TMEFF1: variants seen among roughly 807,000 people sequenced by gnomAD.
TMEFF1 encodes the protein tomoregulin-1.
TMEFF1 carries 20 observed loss-of-function variants against 47.5 expected under a neutral mutation model. The observed-to-expected ratio is 0.42, with a 90% CI of 0.30 to 0.61. The LOEUF (loss-of-function observed/expected upper bound fraction) is 0.61, where lower values mean the gene tolerates loss of function less well. Ranked by LOEUF, TMEFF1 falls within the 20% of genes least tolerant of loss-of-function variation. TMEFF1 has a pLI of 0.19. For synonymous variants in TMEFF1, 162 were observed against 166.3 expected (o/e 0.97, Z 0.20); for missense variants, 411 against 471.1 (o/e 0.87, Z 1.18).
chr9:100,480,343 G>T (rs1408546826), intron 1 of TMEFF1, among the ~76,000 whole-genome samples: 3 of 152,060 alleles, frequency 2.0e-5, no homozygotes, highest in Non-Finnish European at 2.9e-5. Flanking sequence ...AGAGTCAGTT[G>T]TATTTGTTTT....
Position 100,473,695 on chromosome 9 carries a change from G to C in TMEFF1, c.151G>C (p.Gly51Arg). The C allele has an allele frequency of 6.5e-7, 1 of 1,534,050 alleles. No homozygotes were observed. The highest frequency in any genetic ancestry group is 8.8e-7 in the Non-Finnish European group (1 of 1,139,482). ...GCCCCCGGGTGGTGGCGGCGGCAGCGGCGGGGACTGTCCCGGCGGCAAAGG... is the reference window on the plus strand; with the variant it reads ...GCCCCCGGGTGGTGGCGGCGGCAGCCGCGGGGACTGTCCCGGCGGCAAAGG... ...NQPPGGGGGS[G>R]GDCPGGKGKS... Residue 51 changes from glycine to arginine, a missense_variant, in exon 1 of 10, where the codon GGC becomes CGC. Physicochemically the swap from Gly to Arg is moderately radical, Grantham distance 125. Transcript: ENST00000374879. This position sits in a 1 kb window ranked among gnomAD's most constrained non-coding sequence, Gnocchi z 5.4.
chr9:100,556,416 G>C (rs1031799234), intron 7 of TMEFF1, among the ~76,000 whole-genome samples: 19 of 152,218 alleles, frequency 1.2e-4, no homozygotes, highest in Admixed American at 1.2e-3. Flanking sequence ...TTAAATGTGC[G>C]GGGTTAGTGC....
chr9:100,552,227 T>C (rs1035836655), intron 7 of TMEFF1, among the ~76,000 whole-genome samples: 3 of 152,166 alleles, frequency 2.0e-5, no homozygotes, highest in African/African-American at 4.8e-5. Context: ...AAAGCAAGGC[T>C]ACAAAGTTAA....
At chr9:100,576,493 T>C in intron 9 of TMEFF1, 23 bp from the exon 10 acceptor site, 1 of 1,602,054 alleles carries the variant, frequency 6.2e-7, no homozygotes, top group Middle Eastern at 1.7e-4. Context: ...TATTTTTCTC[T>C]CTTTCTTTTT....
chr9:100,531,689 T>C (rs1363719078), intron 5 of TMEFF1, among the ~76,000 whole-genome samples: 1 of 151,936 alleles, frequency 6.6e-6, no homozygotes, highest in Non-Finnish European at 1.5e-5. Context: ...TTCAATGCCA[T>C]CCCCATCAAG....
At chr9:100,534,390 A>G (rs1046686421) in intron 5 of TMEFF1, among the ~76,000 whole-genome samples, 2 of 152,130 alleles carry the variant, frequency 1.3e-5, no homozygotes, top group Admixed American at 1.3e-4. Flanking sequence ...ATGTGACTAT[A>G]CCCACACAGT....
intron 5 of TMEFF1, among the ~76,000 whole-genome samples, chr9:100,523,449 C>G (rs1040542980): frequency 2.0e-4 from 31 of 152,240 alleles, no homozygotes; most frequent in African/African-American, 7.2e-4. Context: ...GGTAAACTGC[C>G]TATAAGGTTG....
chr9:100,531,056 T>G (rs1838367179), intron 5 of TMEFF1, among the ~76,000 whole-genome samples: 1 of 151,756 alleles, frequency 6.6e-6, no homozygotes, highest in Non-Finnish European at 1.5e-5. Context: ...CTAAAAACTC[T>G]CAATAAATTA....
At chr9:100,502,301 T>A (rs1837776680) in intron 2 of TMEFF1, among the ~76,000 whole-genome samples, 1 of 152,212 alleles carries the variant, frequency 6.6e-6, no homozygotes, top group African/African-American at 2.4e-5. Flanking sequence ...CTTAGTTTCA[T>A]TTTCATTTTG....
intron 5 of TMEFF1, among the ~76,000 whole-genome samples, chr9:100,528,074 A>T (rs1324455754): frequency 6.6e-6 from 1 of 151,712 alleles, no homozygotes; most frequent in Non-Finnish European, 1.5e-5. Context: ...GGACATCCAC[A>T]CCAAAAACCC....
At chr9:100,509,553 T>C (rs13286805) in intron 3 of TMEFF1, among the ~76,000 whole-genome samples, 33,477 of 151,824 alleles carry the variant, frequency 0.22, 4,016 homozygotes, top group South Asian at 0.33. Context: ...GCGGGCAGAT[T>C]ACGAGGTCAG....
At chr9:100,530,543 T>G (rs1381757252) in intron 5 of TMEFF1, among the ~76,000 whole-genome samples, 1 of 152,160 alleles carries the variant, frequency 6.6e-6, no homozygotes, top group Non-Finnish European at 1.5e-5. Context: ...CAGGAAGAAG[T>G]TGAATCTCTG....
At chr9:100,489,408 C>T (rs959963508) in intron 1 of TMEFF1, among the ~76,000 whole-genome samples, 1 of 152,122 alleles carries the variant, frequency 6.6e-6, no homozygotes, top group Non-Finnish European at 1.5e-5. Flanking sequence ...CCAGACTGAT[C>T]TCAAACTCCT....
intron 6 of TMEFF1, among the ~76,000 whole-genome samples, chr9:100,548,872 T>C (rs920690767): frequency 3.9e-5 from 6 of 152,178 alleles, no homozygotes; most frequent in Admixed American, 3.9e-4. Context: ...CACCATTTAC[T>C]GACAGGGACC....
chr9:100,527,036 TG>T, intron 5 of TMEFF1, among the ~76,000 whole-genome samples: 1 of 148,996 alleles, frequency 6.7e-6, no homozygotes, highest in East Asian at 2.0e-4. Flanking sequence ...CCAGCTACTC[TG>T]GAGGCTGAGA....
At chr9:100,479,720 A>G (rs1298262589) in intron 1 of TMEFF1, among the ~76,000 whole-genome samples, 1 of 152,234 alleles carries the variant, frequency 6.6e-6, no homozygotes, top group East Asian at 1.9e-4. Flanking sequence ...TTATGGCCAA[A>G]TAATATTCCA....
intron 9 of TMEFF1, 22 bp from the exon 10 acceptor site, chr9:100,576,494 C>CT (rs576654571): frequency 0.013 from 20,266 of 1,602,774 alleles, 193 homozygotes; most frequent in Middle Eastern, 0.026. Flanking sequence ...ATTTTTCTCT[C>CT]TTTCTTTTTT....
intron 5 of TMEFF1, among the ~76,000 whole-genome samples, chr9:100,536,859 A>T (rs965423522): frequency 6.6e-6 from 1 of 152,222 alleles, no homozygotes; most frequent in Admixed American, 6.5e-5. Context: ...AAAGGTGTTC[A>T]GTAATGGATT....
At chr9:100,574,419 CTG>C (rs1270324976) in intron 9 of TMEFF1, among the ~76,000 whole-genome samples, 1 of 152,152 alleles carries the variant, frequency 6.6e-6, no homozygotes, top group African/African-American at 2.4e-5. Flanking sequence ...GGGTCTCACT[CTG>C]TCATTCAGGC....
Sources: gnomAD v4.1 joint callset for allele counts (sites outside exome capture counted in the v4.1 genomes callset) on GRCh38, gnomAD v4.1.1 for gene constraint, Gnocchi (gnomAD v3.1) non-coding constraint, MANE v1.5 for transcripts, NCBI Gene and HGNC (gene_info 2026-07-23, HGNC 2026-07-21) for gene names.